PTPRQ: variants seen among roughly 807,000 people sequenced by gnomAD.
PTPRQ encodes protein tyrosine phosphatase receptor type Q, also known as phosphatidylinositol phosphatase PTPRQ.
Under a neutral mutation model 246.0 loss-of-function variants are expected in PTPRQ, and 199 were observed. The observed-to-expected ratio is 0.81, with a 90% CI of 0.72 to 0.91. PTPRQ has a LOEUF of 0.91. Among genes scored for constraint, PTPRQ ranks in the 40% least tolerant of loss-of-function variants. The pLI is 0.00. For missense variants in PTPRQ, 2,624 were observed against 2,528.4 expected, an observed-to-expected ratio of 1.04 and a Z score of -0.81; for synonymous variants, 869 against 853.2, an observed-to-expected ratio of 1.02 and a Z score of -0.32.
intron 17 of PTPRQ, among the ~76,000 whole-genome samples, chr12:80,522,832 G>A (rs942580998): frequency 6.6e-6 from 1 of 151,870 alleles, no homozygotes; most frequent in Non-Finnish European, 1.5e-5. Context: ...CTCTTTTTTT[G>A]TTGTGTCTCT....
At chr12:80,672,537 T>C (rs1402441191) in intron 42 of PTPRQ, among the ~76,000 whole-genome samples, 2 of 152,022 alleles carry the variant, frequency 1.3e-5, no homozygotes, top group African/African-American at 4.8e-5. Context: ...AATCTTGTCT[T>C]TCTGATAATA....
chr12:80,560,762 G>C (rs998995293), intron 25 of PTPRQ, among the ~76,000 whole-genome samples: 1 of 152,166 alleles, frequency 6.6e-6, no homozygotes, highest in Admixed American at 6.6e-5. Flanking sequence ...AGCTGCTCCA[G>C]CTGTTTTTTT....
chr12:80,561,151 C>T (rs1896811328), intron 25 of PTPRQ: 1 of 152,178 alleles, frequency 6.6e-6, no homozygotes, highest in African/African-American at 2.4e-5. Flanking sequence ...CTTCTTGGTC[C>T]TTTGAGAAAC....
chr12:80,590,823 C>G (rs190962129), intron 26 of PTPRQ, among the ~76,000 whole-genome samples: 51 of 152,182 alleles, frequency 3.4e-4, no homozygotes, highest in Admixed American at 9.2e-4. Flanking sequence ...ATACCATTGT[C>G]TTCCACTCAT....
chr12:80,520,189 G>C (rs944461748), intron 17 of PTPRQ, among the ~76,000 whole-genome samples: 1 of 152,020 alleles, frequency 6.6e-6, no homozygotes, highest in Admixed American at 6.6e-5. Context: ...ATCTCATGTT[G>C]AATTGTATCT....
intron 38 of PTPRQ, among the ~76,000 whole-genome samples, chr12:80,654,019 T>TTTC (rs1565843331): frequency 1.0e-3 from 156 of 151,844 alleles, no homozygotes; most frequent in African/African-American, 3.6e-3. Flanking sequence ...TTCTTTCTTT[T>TTTC]TTTCTTTCTT....
At chr12:80,608,905 G>C (rs1042734788) in intron 27 of PTPRQ, among the ~76,000 whole-genome samples, 1 of 150,530 alleles carries the variant, frequency 6.6e-6, no homozygotes, top group Non-Finnish European at 1.5e-5. Context: ...TAGTCTTAAG[G>C]AAAATTACAA....
chr12:80,483,210 G>A (rs1455305200), intron 8 of PTPRQ, among the ~76,000 whole-genome samples: 22 of 128,216 alleles, frequency 1.7e-4, no homozygotes, highest in Non-Finnish European at 3.1e-4. Context: ...AAAATGATGA[G>A]TTCATGTCCT....
intron 25 of PTPRQ, among the ~76,000 whole-genome samples, chr12:80,555,051 A>T (rs778190192): frequency 6.6e-6 from 1 of 152,080 alleles, no homozygotes; most frequent in African/African-American, 2.4e-5. Flanking sequence ...AGTAGCTGAG[A>T]TCATAGGTGT....
At chr12:80,464,255 A>T (rs1893319120) in intron 6 of PTPRQ, among the ~76,000 whole-genome samples, 1 of 132,758 alleles carries the variant, frequency 7.5e-6, no homozygotes, top group South Asian at 2.8e-4. Flanking sequence ...ACCAACAAAG[A>T]TCAAAAGAGA....
intron 17 of PTPRQ, among the ~76,000 whole-genome samples, chr12:80,522,567 C>T (rs1271556290): frequency 2.6e-5 from 4 of 152,052 alleles, no homozygotes; most frequent in African/African-American, 7.2e-5. Context: ...GAGTTTTTAA[C>T]GTGAAGGGCT....
At chr12:80,619,820 T>A (rs1391898903) in intron 31 of PTPRQ, among the ~76,000 whole-genome samples, 1 of 151,672 alleles carries the variant, frequency 6.6e-6, no homozygotes, top group African/African-American at 2.4e-5. Flanking sequence ...ATATGTGATT[T>A]ATTAATTCCA....
Position 80,493,345 on chromosome 12 carries a change from C to G in PTPRQ, c.1430C>G (p.Ser477Ter). Residue 477 changes from serine (S) to a stop codon, truncating the protein, a stop_gained, in exon 10 of 45, where the codon TCA (serine) becomes TGA (stop). Transcript: ENST00000644991. LOFTEE classifies it high-confidence loss of function. ...VEPMVGLYEGSAEMSSDLHSL... is the reference protein window; with the variant it reads ...VEPMVGLYEG ...CCAATGGTAGGATTATATGAGGGTT[C>G]AGCAGAGATGTCGTCTGACCTTCAC... is the stretch of plus-strand genomic sequence containing the variant. 6.5e-7 allele frequency: 1 copy of G among 1,549,850 alleles called. No individual in the cohort carries two copies. The highest frequency in any genetic ancestry group is 8.7e-7 in the Non-Finnish European group (1 of 1,145,804).
At position 80,634,950 on chromosome 12, in the gene PTPRQ, G is replaced by A. The variant is rs562981127; in HGVS notation, c.5792G>A (p.Arg1931Gln). Residue 1931 changes from arginine to glutamine, a missense_variant, in exon 35 of 45, where the codon CGA becomes CAA. Arg to Gln is a conservative substitution (Grantham distance 43). Transcript: ENST00000644991. ...GTAIFAFARI[R>Q]QKQKEGGTYS... ...CTTTACTCCGCTTGTTTTAGAATTC[G>A]ACAGAAGCAGAAAGAAGGTGGCACA... The A allele has an allele frequency of 3.6e-4, 563 of 1,550,066 alleles. No homozygotes were observed. Among genetic ancestry groups the A allele is most frequent in the Non-Finnish European group, 4.4e-4 (509 of 1,146,268 alleles).
Position 80,613,751 on chromosome 12 carries a change from A to G in PTPRQ, c.5078A>G (p.His1693Arg). 1 of 1,545,796 alleles carries G rather than the reference A, an allele frequency of 6.5e-7. No individual in the cohort carries two copies. The highest frequency in any genetic ancestry group is 8.7e-7 in the Non-Finnish European group (1 of 1,143,072). Residue 1693 changes from histidine to arginine, a missense_variant, in exon 29 of 45, where the codon CAC (histidine) becomes CGC (arginine). Transcript: ENST00000644991. ...GATGATCCTACTGCTGTCCAGATTC[A>G]CAACCTCAGTATTATACAGAAAACC... The part of the protein sequence containing the change: ...REDDPTAVQI[H>R]NLSIIQKTNT...
rs761777233 is a variant in PTPRQ at position 80,669,147 on chromosome 12, T to C, written c.6327+6T>C. 110 of 1,542,628 alleles carry C rather than the reference T, an allele frequency of 7.1e-5. No homozygotes were observed. Among genetic ancestry groups the C allele is most frequent in the Non-Finnish European group, 8.6e-5 (98 of 1,142,206 alleles). On this transcript the variant is annotated splice_donor_region_variant and intron_variant, in intron 40 of 44. Coordinates refer to ENST00000644991, the MANE Select transcript of PTPRQ (RefSeq NM_001145026.2). ...AGTGTTTTGAAAAAGGACGGGTAAG[T>C]TATTTGAAAATGTTTTACAAATGTT...
At chr12:80,545,189 A>G (rs888166084) in intron 23 of PTPRQ, among the ~76,000 whole-genome samples, 7 of 152,068 alleles carry the variant, frequency 4.6e-5, no homozygotes, top group African/African-American at 1.7e-4. Context: ...TTCTCTAGTT[A>G]ATATAAAAAT....
chr12:80,494,635 A>T (rs893040252), intron 10 of PTPRQ, among the ~76,000 whole-genome samples: 82 of 152,098 alleles, frequency 5.4e-4, no homozygotes, highest in African/African-American at 1.9e-3. Context: ...TCTTAAAAAC[A>T]CTAATGTCAT....
chr12:80,444,821 T>C lies in PTPRQ; in HGVS notation c.135T>C (p.Val45=). The change falls in exon 2 of 45, where the codon GTT becomes GTC. Residue 45 remains valine (V), a synonymous_variant. Transcript: ENST00000644991. ...TTTCTACAACATACACCTCACCTGT[T>C]ACTAGAATAGTGACAACAAATGTAA... The part of the protein sequence containing the change: ...SSISTTYTSP[V]TRIVTTNVTK... The C allele has an allele frequency of 6.5e-7, 1 of 1,535,576 alleles. No homozygotes were observed. Among genetic ancestry groups the C allele is most frequent in the Non-Finnish European group, 8.8e-7 (1 of 1,136,520 alleles).
Sources: gnomAD v4.1 joint callset for allele counts (sites outside exome capture counted in the v4.1 genomes callset) on GRCh38, gnomAD v4.1.1 for gene constraint, MANE v1.5 for transcripts, NCBI Gene and HGNC (gene_info 2026-07-23, HGNC 2026-07-21) for gene names.